The following ANO1 variants were observed in gnomAD, a reference collection of about 807,000 sequenced individuals.
ANO1 encodes anoctamin-1.
ANO1 carries 59 observed loss-of-function variants against 124.0 expected under a neutral mutation model. That is an observed-to-expected ratio of 0.48 (90% CI 0.39 to 0.59). The LOEUF (loss-of-function observed/expected upper bound fraction) is 0.59, where lower values mean the gene tolerates loss of function less well. Among genes scored for constraint, ANO1 ranks in the 20% least tolerant of loss-of-function variants. The pLI, the probability that ANO1 is intolerant of heterozygous loss-of-function variation, is 0.00. For missense variants in ANO1, 1,059 were observed against 1,328.0 expected (o/e 0.80, Z 3.15); for synonymous variants, 529 against 532.0 (o/e 0.99, Z 0.08).
intron 1 of ANO1, among the ~76,000 whole-genome samples, chr11:70,020,204 G>A (rs1856775984): frequency 6.6e-6 from 1 of 152,202 alleles, no homozygotes; most frequent in South Asian, 2.1e-4. Context: ...GACCCCATGA[G>A]CACATGTGTC....
At chr11:69,966,296 C>T in the ANO1 span, among the ~76,000 whole-genome samples, 6 of 152,190 alleles carry the variant, frequency 3.9e-5, no homozygotes, top group African/African-American at 1.2e-4. Context: ...TGACCATGGG[C>T]GTGGCTGGAG....
chr11:70,101,153 T>A (rs1395210369), intron 2 of ANO1, among the ~76,000 whole-genome samples: 1 of 151,648 alleles, frequency 6.6e-6, no homozygotes, highest in Non-Finnish European at 1.5e-5. Context: ...TCACCTGAGG[T>A]GCTGGGGCCC....
intron 8 of ANO1, among the ~76,000 whole-genome samples, chr11:70,117,100 C>CTTTTTT (rs756764991): frequency 1.5e-4 from 9 of 61,518 alleles, no homozygotes; most frequent in African/African-American, 3.8e-4. Flanking sequence ...TTGTTTCTTT[C>CTTTTTT]TTTTTTTTTT....
At chr11:70,042,101 C>T (rs1399680260) in intron 1 of ANO1, among the ~76,000 whole-genome samples, 1 of 152,056 alleles carries the variant, frequency 6.6e-6, no homozygotes, top group Admixed American at 6.5e-5. Context: ...CGTAAGAACA[C>T]AGCAGAAGGA....
Position 70,188,845 on chromosome 11 carries a change from A to C in ANO1, c.*841A>C, listed in dbSNP as rs1293834928. Reference sequence around the variant, plus strand: ...TGGTGTCAGGGTTTCAAGAAGTCTTAGGGCTTCCAGGGGTCCCCTGGAAGC... The same window carrying C: ...TGGTGTCAGGGTTTCAAGAAGTCTTCGGGCTTCCAGGGGTCCCCTGGAAGC... On this transcript the variant is annotated 3_prime_UTR_variant, in exon 26 of 26. Transcript: ENST00000355303. 6.6e-6 allele frequency: 1 copy of C among 150,610 alleles called. No homozygotes were observed. The highest frequency in any genetic ancestry group is 1.5e-5 in the Non-Finnish European group (1 of 67,524). The allele number at this position is 150,610 out of a possible 1,614,324, so 9.3% of individuals were successfully genotyped here.
intron 5 of ANO1, 92 bp downstream of exon 5, chr11:70,105,880 G>A (rs2045513715): frequency 4.6e-6 from 6 of 1,300,174 alleles, no homozygotes; most frequent in Non-Finnish European, 6.6e-6. Context: ...TCCTCCCGGT[G>A]GAAGCCGGCT....
Position 70,155,915 on chromosome 11 carries a change from G to A in ANO1, c.1430G>A (p.Arg477His), listed in dbSNP as rs547479598. ...CTTTCCCCCACCCCCCCTCAGAAGC[G>A]CCGGCATATTCCAGAGGAGTCAACA... The part of the protein sequence containing the change: ...LKKESRNKEK[R>H]RHIPEESTNK... Residue 477 changes from arginine to histidine, a missense_variant, in exon 15 of 26, where the codon CGC becomes CAC. Coordinates refer to ENST00000355303, the MANE Select transcript of ANO1 (RefSeq NM_018043.7). 3.1e-5 allele frequency: 48 copies of A among 1,537,974 alleles called. No homozygotes were observed. The highest frequency in any genetic ancestry group is 1.7e-4 in the Middle Eastern group (1 of 5,968).
At chr11:70,119,264 G>A (rs1205781889) in intron 8 of ANO1, among the ~76,000 whole-genome samples, 2 of 126,146 alleles carry the variant, frequency 1.6e-5, no homozygotes, top group Non-Finnish European at 3.3e-5. Flanking sequence ...TGATGGGGGG[G>A]TGGGTGGGTG....
intron 14 of ANO1, among the ~76,000 whole-genome samples, chr11:70,154,615 C>T (rs1371490142): frequency 1.3e-5 from 2 of 151,614 alleles, no homozygotes; most frequent in Admixed American, 6.6e-5. Flanking sequence ...TACAGGTGCC[C>T]ACCACCACAC....
chr11:70,067,067 G>A (rs1044419846), intron 1 of ANO1, among the ~76,000 whole-genome samples: 2 of 152,188 alleles, frequency 1.3e-5, no homozygotes, highest in South Asian at 2.1e-4. Flanking sequence ...TAAAAATGGA[G>A]CCTGGTTGTC....
intron 1 of ANO1, among the ~76,000 whole-genome samples, chr11:70,050,015 A>G (rs1857327139): frequency 6.6e-6 from 1 of 152,184 alleles, no homozygotes; most frequent in African/African-American, 2.4e-5. Context: ...CATCACGCCC[A>G]GCTGCTGTCT....
intron 6 of ANO1, chr11:70,111,124 A>C (rs776893154): frequency 3.9e-5 from 18 of 456,666 alleles, no homozygotes; most frequent in South Asian, 2.8e-4. Context: ...ATGTATAAAC[A>C]GGGCAAGGCG....
intron 14 of ANO1, among the ~76,000 whole-genome samples, chr11:70,154,112 T>G (rs2047711656): frequency 6.6e-6 from 1 of 152,134 alleles, no homozygotes; most frequent in Non-Finnish European, 1.5e-5. Flanking sequence ...CAAGCAGGCA[T>G]GGAGCTCCTG....
the ANO1 span, among the ~76,000 whole-genome samples, chr11:69,975,417 G>A: frequency 7.9e-5 from 12 of 152,340 alleles, no homozygotes; most frequent in Non-Finnish European, 1.5e-4. Flanking sequence ...CCCACTAACA[G>A]CCACAGGCTC....
intron 1 of ANO1, among the ~76,000 whole-genome samples, chr11:69,990,316 T>C (rs1856129407): frequency 6.6e-6 from 1 of 152,248 alleles, no homozygotes; most frequent in South Asian, 2.1e-4. Flanking sequence ...TGTTGTAGCA[T>C]ATATCAGTAA....
Position 70,087,840 on chromosome 11 carries a change from TG to T in ANO1, c.199del (p.Val67CysfsTer90). The T allele has an allele frequency of 1.2e-6, 2 of 1,613,096 alleles. No homozygotes were observed. The highest frequency in any genetic ancestry group is 1.7e-6 in the Non-Finnish European group (2 of 1,179,764). ...GGCCGGCGCAAGGTGGACTACATCC[TG>T]GTGTACCATCACAAGAGGCCCTCGG... Reference protein sequence around the residue: ...RDGRRKVDYILVYHHKRPSGN... With the variant: ...RDGRRKVDYIXVYHHKRPSGN... On this transcript the variant is annotated frameshift_variant, in exon 2 of 26. Transcript: ENST00000355303. LOFTEE classifies it high-confidence loss of function.
intron 11 of ANO1, among the ~76,000 whole-genome samples, chr11:70,145,769 T>C (rs2047347225): frequency 6.6e-6 from 1 of 151,946 alleles, no homozygotes; most frequent in African/African-American, 2.4e-5. Flanking sequence ...AAACCCTGTC[T>C]CTACTAAAAC....
chr11:70,052,338 T>C (rs1393842191), intron 1 of ANO1, among the ~76,000 whole-genome samples: 1 of 152,176 alleles, frequency 6.6e-6, no homozygotes, highest in African/African-American at 2.4e-5. Flanking sequence ...AGATAATATA[T>C]GTCCTCTGAC....
At chr11:69,978,464 G>A in the ANO1 span, among the ~76,000 whole-genome samples, 6 of 152,118 alleles carry the variant, frequency 3.9e-5, no homozygotes, top group Non-Finnish European at 8.8e-5. Context: ...GATCCTCCTA[G>A]CTCAGCCTCC....
Sources: gnomAD v4.1 joint callset for allele counts (sites outside exome capture counted in the v4.1 genomes callset) on GRCh38, gnomAD v4.1.1 for gene constraint, MANE v1.5 for transcripts, NCBI Gene and HGNC (gene_info 2026-07-23, HGNC 2026-07-21) for gene names.